RANBP2: variants seen among roughly 807,000 people sequenced by gnomAD.
The protein encoded by RANBP2 is RAN binding protein 2, also known as E3 SUMO-protein ligase RanBP2.
In RANBP2, 57 loss-of-function variants were observed where a neutral mutation model predicts 303.6. The ratio of observed to expected loss-of-function variants is 0.19; its 90% confidence interval spans 0.15 to 0.23. RANBP2 has a LOEUF of 0.23. RANBP2 is among the 10% of genes least tolerant of loss of function. The probability of loss-of-function intolerance (pLI) is 1.00; values close to 1 mark genes in which losing one functional copy is unlikely to be tolerated. For missense variants in RANBP2, 3,138 were observed against 3,780.8 expected, an observed-to-expected ratio of 0.83 and a Z score of 4.46; for synonymous variants, 1,167 against 1,301.5, an observed-to-expected ratio of 0.90 and a Z score of 2.23.
chr2:109,170,237 CTTT>C, the RANBP2 span, among the ~76,000 whole-genome samples: 85 of 33,026 alleles, frequency 2.6e-3, 2 homozygotes, highest in African/African-American at 8.2e-3. Flanking sequence ...CTCTTCTCTT[CTTT>C]TCTTTTCTCT....
the RANBP2 span, among the ~76,000 whole-genome samples, chr2:109,026,367 G>A: frequency 6.5e-4 from 91 of 140,754 alleles, 1 homozygote; most frequent in East Asian, 0.017. Flanking sequence ...AGGCTCAAGC[G>A]ATCTTCCTGC....
chr2:109,267,329 AC>A, the RANBP2 span, among the ~76,000 whole-genome samples: 1 of 152,144 alleles, frequency 6.6e-6, no homozygotes, highest in Non-Finnish European at 1.5e-5. Context: ...ACACAAGCAT[AC>A]CAGGGGAAGA....
At chr2:109,241,653 G>A in the RANBP2 span, among the ~76,000 whole-genome samples, 7 of 152,040 alleles carry the variant, frequency 4.6e-5, no homozygotes, top group Admixed American at 3.3e-4. Flanking sequence ...TCCCCGCCTC[G>A]CCATGGTGAG....
chr2:108,723,746 C>G (rs1573678720), intron 1 of RANBP2, among the ~76,000 whole-genome samples: 3 of 152,012 alleles, frequency 2.0e-5, no homozygotes. Context: ...CCTTGTTGTG[C>G]GGTTTTGTTT....
chr2:109,055,547 CT>C, the RANBP2 span, among the ~76,000 whole-genome samples: 1 of 151,264 alleles, frequency 6.6e-6, no homozygotes, highest in African/African-American at 2.4e-5. Context: ...CTTTTCTTTT[CT>C]TTTCTTTTTT....
the RANBP2 span, among the ~76,000 whole-genome samples, chr2:109,249,519 T>TTC: frequency 0.28 from 16,788 of 58,942 alleles, 2,024 homozygotes; most frequent in East Asian, 0.36. Context: ...CATTCTTTCT[T>TTC]TTTCTTTCTT....
At chr2:109,223,723 G>A in the RANBP2 span, among the ~76,000 whole-genome samples, 12 of 152,068 alleles carry the variant, frequency 7.9e-5, 1 homozygote, top group East Asian at 1.9e-4. Context: ...GGGATGTGTC[G>A]TTGTCTTTCC....
the RANBP2 span, among the ~76,000 whole-genome samples, chr2:109,476,227 G>A: frequency 6.6e-6 from 1 of 152,190 alleles, no homozygotes; most frequent in Non-Finnish European, 1.5e-5. Flanking sequence ...CCCCCACCAG[G>A]CCTGCTAGCA....
chr2:109,229,250 T>C, the RANBP2 span, among the ~76,000 whole-genome samples: 1 of 152,192 alleles, frequency 6.6e-6, no homozygotes, highest in Non-Finnish European at 1.5e-5. Context: ...ACACTTCTTA[T>C]TTGGAGCAGT....
At chr2:109,450,504 T>A in the RANBP2 span, among the ~76,000 whole-genome samples, 1 of 152,246 alleles carries the variant, frequency 6.6e-6, no homozygotes, top group African/African-American at 2.4e-5. Flanking sequence ...ATTTTAAATT[T>A]TCTAGTAGCC....
At chr2:109,606,943 C>T in the RANBP2 span, among the ~76,000 whole-genome samples, 13 of 152,080 alleles carry the variant, frequency 8.5e-5, no homozygotes, top group East Asian at 1.9e-4. Context: ...TGAGCCACCA[C>T]GCCCAGCAAA....
chr2:109,170,476 G>T, the RANBP2 span, among the ~76,000 whole-genome samples: 1 of 152,034 alleles, frequency 6.6e-6, no homozygotes, highest in African/African-American at 2.4e-5. Flanking sequence ...CTCCTGAGTA[G>T]CTGGGACTGC....
At chr2:109,060,740 A>G in the RANBP2 span, among the ~76,000 whole-genome samples, 1 of 152,186 alleles carries the variant, frequency 6.6e-6, no homozygotes, top group East Asian at 1.9e-4. Flanking sequence ...CCTGGGCCTC[A>G]GTTTCCCATG....
At chr2:109,126,334 C>T in the RANBP2 span, among the ~76,000 whole-genome samples, 14 of 152,270 alleles carry the variant, frequency 9.2e-5, no homozygotes, top group South Asian at 1.0e-3. Context: ...TGTCTTGGGT[C>T]GTGCAAGATA....
At chr2:109,342,056 C>G in the RANBP2 span, among the ~76,000 whole-genome samples, 1 of 152,244 alleles carries the variant, frequency 6.6e-6, no homozygotes, top group Non-Finnish European at 1.5e-5. Flanking sequence ...GTTCATCTTC[C>G]TGACACTTTT....
the RANBP2 span, among the ~76,000 whole-genome samples, chr2:109,480,368 TA>T: frequency 2.2e-3 from 339 of 152,154 alleles, no homozygotes; most frequent in African/African-American, 7.5e-3. Flanking sequence ...ACAGAAGACA[TA>T]AGGCATTTGT....
the RANBP2 span, among the ~76,000 whole-genome samples, chr2:108,915,977 C>T: frequency 6.6e-6 from 1 of 152,100 alleles, no homozygotes; most frequent in Non-Finnish European, 1.5e-5. Context: ...GCCACAAGCC[C>T]ATGTCAAACA....
chr2:109,030,025 T>A, the RANBP2 span, among the ~76,000 whole-genome samples: 1 of 152,210 alleles, frequency 6.6e-6, no homozygotes, highest in African/African-American at 2.4e-5. Flanking sequence ...CCAGTTCGAG[T>A]GTGTGGGTGA....
At chr2:109,064,100 T>A in the RANBP2 span, among the ~76,000 whole-genome samples, 641 of 152,324 alleles carry the variant, frequency 4.2e-3, 5 homozygotes, top group African/African-American at 0.015. Flanking sequence ...GTATCTTTTT[T>A]AATCCTGTGA....
Sources: allele counts gnomAD v4.1 joint callset (sites outside exome capture counted in the v4.1 genomes callset), GRCh38; gene constraint gnomAD v4.1.1; transcripts MANE v1.5; gene names NCBI Gene and HGNC (gene_info 2026-07-23, HGNC 2026-07-21).